SLC44A3: variants seen among roughly 807,000 people sequenced by gnomAD.
SLC44A3 encodes choline transporter-like protein 3.
SLC44A3 carries 74 observed loss-of-function variants against 75.4 expected under a neutral mutation model. The ratio of observed to expected loss-of-function variants is 0.98; its 90% CI spans 0.81 to 1.19. SLC44A3 has a LOEUF of 1.19. Ranked by LOEUF, SLC44A3 falls within the 50% of genes most tolerant of loss-of-function variation. The pLI, the probability that SLC44A3 is intolerant of heterozygous loss-of-function variation, is 0.00. For synonymous variants in SLC44A3, 310 were observed against 296.9 expected, an observed-to-expected ratio of 1.04 and a Z score of -0.45; for missense variants, 700 against 778.6, an observed-to-expected ratio of 0.90 and a Z score of 1.20.
At chr1:94,887,255 C>G (rs1006210582) in intron 12 of SLC44A3, among the ~76,000 whole-genome samples, 12 of 152,118 alleles carry the variant, frequency 7.9e-5, no homozygotes, top group Admixed American at 7.9e-4. Context: ...AGCTTCTACT[C>G]AGAATAAGTA....
At chr1:94,822,837 ACCT>A (rs1291807785) in intron 2 of SLC44A3, among the ~76,000 whole-genome samples, 1 of 151,972 alleles carries the variant, frequency 6.6e-6, no homozygotes, top group Admixed American at 6.6e-5. Flanking sequence ...CAATGTACAC[ACCT>A]CCTATATCAC....
Position 94,846,691 on chromosome 1 carries a change from T to G in SLC44A3, c.1072+1227T>G, listed in dbSNP as rs186341676. Among the ~76,000 whole-genome samples the G allele has an allele frequency of 2.9e-3, 442 of 152,368 alleles. 1 individual carries two copies. Among genetic ancestry groups the G allele is most frequent in the African/African-American group, 0.01 (417 of 41,590 alleles). ...TTCTAACTCCTCTGTTTGATTTTCT[T>G]AAGGCCCAAATTCAGTACACATGGA... is the stretch of plus-strand genomic sequence containing the variant. On this transcript the variant is annotated intron_variant, in intron 9 of 14. Coordinates refer to ENST00000271227, the MANE Select transcript of SLC44A3 (RefSeq NM_001114106.3).
chr1:94,821,147 G>A, intron 2 of SLC44A3, 91 bp downstream of exon 2: 2 of 994,894 alleles, frequency 2.0e-6, no homozygotes, highest in Non-Finnish European at 3.0e-6. Context: ...AGTTGGTGCT[G>A]CAGTGAGAGA....
At chr1:94,841,950 G>T (rs775070663) in intron 7 of SLC44A3, 50 bp from the exon 8 acceptor site, 1 of 1,557,830 alleles carries the variant, frequency 6.4e-7, no homozygotes, top group Non-Finnish European at 8.7e-7. Flanking sequence ...GCTGGGGAAA[G>T]GTTACCTCAT....
chr1:94,839,861 C>G, intron 6 of SLC44A3, 87 bp from the exon 7 acceptor site: 2 of 902,084 alleles, frequency 2.2e-6, no homozygotes, highest in Non-Finnish European at 3.7e-6. Context: ...CGTCACTGTT[C>G]TGGAGGGTTT....
chr1:94,853,523 G>A (rs1665481462), intron 9 of SLC44A3, among the ~76,000 whole-genome samples: 1 of 152,174 alleles, frequency 6.6e-6, no homozygotes, highest in South Asian at 2.1e-4. Context: ...GAAGAGTTAT[G>A]TTCACACAGG....
chr1:94,842,794 G>A (rs1663838699), intron 8 of SLC44A3, among the ~76,000 whole-genome samples: 1 of 152,242 alleles, frequency 6.6e-6, no homozygotes, highest in Admixed American at 6.5e-5. Flanking sequence ...CTGTTCTGTG[G>A]AGCAGCTGCA....
intron 14 of SLC44A3, 46 bp downstream of exon 14, chr1:94,892,563 C>T: frequency 6.4e-7 from 1 of 1,572,898 alleles, no homozygotes; most frequent in South Asian, 1.1e-5. Flanking sequence ...TGCTCGCAAT[C>T]TTGAAAGTTT....
chr1:94,836,485 C>T (rs903030131), intron 5 of SLC44A3, among the ~76,000 whole-genome samples: 7 of 152,296 alleles, frequency 4.6e-5, no homozygotes, highest in South Asian at 2.1e-4. Flanking sequence ...CTAAACAGGA[C>T]GGAATTAAGC....
intron 10 of SLC44A3, among the ~76,000 whole-genome samples, chr1:94,859,399 C>T (rs954174644): frequency 7.2e-6 from 1 of 139,540 alleles, no homozygotes; most frequent in South Asian, 2.7e-4. Flanking sequence ...GAAACACCAA[C>T]CAAATGGTGA....
chr1:94,835,721 AT>A (rs1158021174), intron 5 of SLC44A3, among the ~76,000 whole-genome samples: 1 of 152,122 alleles, frequency 6.6e-6, no homozygotes, highest in East Asian at 1.9e-4. Flanking sequence ...TTGGAGTAGA[AT>A]TTTTATTATC....
At chr1:94,888,644 T>G (rs1669865283) in intron 12 of SLC44A3, 1 of 978,736 alleles carries the variant, frequency 1.0e-6, no homozygotes, top group Non-Finnish European at 1.2e-6. Context: ...GAACTTTCTT[T>G]TTTTTTTTTG....
rs859098 is a variant in SLC44A3, at chr1:94,864,816, G to A, written c.1312G>A (p.Val438Ile). 1,216,968 of 1,613,502 alleles carry A rather than the reference G, an allele frequency of 0.75. 463,126 individuals are homozygous for A. The highest frequency in any genetic ancestry group is 0.99 in the East Asian group (44,310 of 44,876). ...TCTCTTCTTCTACCATCAAGGAACCGTTGTGAAAGGGTCATTTTTAATCTC... is the reference window on the plus strand; with the variant it reads ...TCTCTTCTTCTACCATCAAGGAACCATTGTGAAAGGGTCATTTTTAATCTC... ...SILFFYHQGT[V>I]VKGSFLISVV... The change falls in exon 11 of 15, where the codon GTT becomes ATT. Residue 438 changes from valine to isoleucine, a missense_variant. Val to Ile is a conservative substitution (Grantham distance 29). Transcript: ENST00000271227.
intron 5 of SLC44A3, among the ~76,000 whole-genome samples, chr1:94,832,861 T>C (rs1367306633): frequency 6.6e-6 from 1 of 152,148 alleles, no homozygotes; most frequent in Admixed American, 6.5e-5. Context: ...TAGTCCTAGC[T>C]GAAGCTGAGA....
rs374429080 is a variant in SLC44A3, at chr1:94,845,314, A to G, written c.922A>G (p.Arg308Gly). 1 of 1,612,652 alleles carries G rather than the reference A, an allele frequency of 6.2e-7. No individual in the cohort carries two copies. Among genetic ancestry groups the G allele is most frequent in the Non-Finnish European group, 8.5e-7 (1 of 1,179,590 alleles). ...CGTCTTGATTTTTGTTCTCAGAAAGAGAATAAAATTGACAGTTGAGCTTTT... is the reference window on the plus strand; with the variant it reads ...CGTCTTGATTTTTGTTCTCAGAAAGGGAATAAAATTGACAGTTGAGCTTTT... ...LLVLIFVLRK[R>G]IKLTVELFQI... The change falls in exon 9 of 15, where the codon AGA (arginine) becomes GGA (glycine). Residue 308 changes from arginine (R) to glycine (G), a missense_variant. Arg to Gly is a moderately radical substitution (Grantham distance 125, BLOSUM62 -2). Transcript: ENST00000271227.
At position 94,820,375 on chromosome 1, in the gene SLC44A3, G is replaced by C. The variant is rs1288395756; in HGVS notation, c.-77G>C. On this transcript the variant is annotated 5_prime_UTR_variant, in exon 1 of 15. Coordinates refer to ENST00000271227, the MANE Select transcript of SLC44A3 (RefSeq NM_001114106.3). ...CAGCCCCAGCCCCGGCCCCGGCCCC[G>C]GCTCGCGGGCGCTGCGTCTCCGCGT... 9.5e-6 allele frequency: 12 copies of C among 1,258,020 alleles called. No individual in the cohort carries two copies. The highest frequency in any genetic ancestry group is 3.3e-5 in the South Asian group (2 of 59,924). 77.9% of individuals were successfully genotyped at this position (1,258,020 alleles called of 1,614,324 possible).
intron 5 of SLC44A3, among the ~76,000 whole-genome samples, chr1:94,836,563 C>A (rs6664649): frequency 0.47 from 72,076 of 151,972 alleles, 17,274 homozygotes; most frequent in Middle Eastern, 0.53. Flanking sequence ...TACAGAAATA[C>A]AATTCTTTTG....
chr1:94,833,902 A>G (rs1662451005), intron 5 of SLC44A3, among the ~76,000 whole-genome samples: 1 of 152,014 alleles, frequency 6.6e-6, no homozygotes, highest in African/African-American at 2.4e-5. Flanking sequence ...GTAGAGGGTG[A>G]CAAATTAAAT....
At chr1:94,855,734 A>G (rs1665791917) in intron 9 of SLC44A3, among the ~76,000 whole-genome samples, 1 of 152,246 alleles carries the variant, frequency 6.6e-6, no homozygotes, top group Non-Finnish European at 1.5e-5. Context: ...TTTTTGATCT[A>G]CAGCACGGAT....
Sources: gnomAD v4.1 joint callset for allele counts (sites outside exome capture counted in the v4.1 genomes callset) on GRCh38, gnomAD v4.1.1 for gene constraint, MANE v1.5 for transcripts, NCBI Gene and HGNC (gene_info 2026-07-23, HGNC 2026-07-21) for gene names.